The following MLXIPL variants were observed in gnomAD, a reference collection of about 807,000 sequenced individuals.
MLXIPL encodes carbohydrate-responsive element-binding protein.
A neutral mutation model predicts 81.5 loss-of-function variants in MLXIPL; 49 were observed. The observed-to-expected ratio is 0.60, with a 90% CI of 0.48 to 0.76. The LOEUF is 0.76. Among genes scored for constraint, MLXIPL ranks in the 30% least tolerant of loss-of-function variants. The pLI, the probability that MLXIPL is intolerant of heterozygous loss-of-function variation, is 0.00. For missense variants in MLXIPL, 1,053 were observed against 1,167.0 expected (o/e 0.90, Z 1.42); for synonymous variants, 466 against 485.5 (o/e 0.96, Z 0.53).
chr7:73,633,283 C>T, the MLXIPL span, among the ~76,000 whole-genome samples: 8 of 151,138 alleles, frequency 5.3e-5, no homozygotes, highest in Non-Finnish European at 1.2e-4. Flanking sequence ...GGGGTTTCAC[C>T]GTGTTAACCA....
At position 73,623,844 on chromosome 7, in the gene MLXIPL, T is replaced by C. The variant is rs1323480288; in HGVS notation, c.293+356A>G. 6.6e-6 allele frequency among the ~76,000 whole-genome samples: 1 copy of C among 151,086 alleles called. No individual in the cohort carries two copies. Among genetic ancestry groups the C allele is most frequent in the African/African-American group, 2.4e-5 (1 of 41,078 alleles). On this transcript the variant is annotated intron_variant, in intron 1 of 16. Coordinates refer to ENST00000313375, the MANE Select transcript of MLXIPL (RefSeq NM_032951.3). This position sits in a 1 kb window ranked among gnomAD's most constrained non-coding sequence, Gnocchi z 5.7. ...AGAGTGGGGATGGGCGCGGGTGGCC[T>C]AGGGACCAGGGGCGCCTGGCATTTT...
the MLXIPL span, among the ~76,000 whole-genome samples, chr7:73,637,303 C>A: frequency 6.6e-6 from 1 of 151,754 alleles, no homozygotes; most frequent in Non-Finnish European, 1.5e-5. Context: ...CACGGCGAAA[C>A]CCCGTCTCTC....
intron 1 of MLXIPL, among the ~76,000 whole-genome samples, chr7:73,620,544 GC>G (rs1796279098): frequency 6.9e-6 from 1 of 144,240 alleles, no homozygotes; most frequent in Non-Finnish European, 1.5e-5. Flanking sequence ...TTCAAGACCA[GC>G]CTGGCCAACA....
intron 1 of MLXIPL, among the ~76,000 whole-genome samples, chr7:73,616,551 G>A (rs1261282944): frequency 6.6e-6 from 1 of 152,136 alleles, no homozygotes; most frequent in Non-Finnish European, 1.5e-5. Flanking sequence ...AAGAGAATAA[G>A]AAATGACCTT....
intron 2 of MLXIPL, among the ~76,000 whole-genome samples, chr7:73,613,364 C>A (rs1445892286): frequency 6.6e-6 from 1 of 151,964 alleles, no homozygotes; most frequent in East Asian, 1.9e-4. Context: ...TTTGGGAGGC[C>A]GAGGTGGGCA....
chr7:73,639,396 T>A, the MLXIPL span, among the ~76,000 whole-genome samples: 1 of 152,200 alleles, frequency 6.6e-6, no homozygotes, highest in Non-Finnish European at 1.5e-5. Context: ...CACAGCACTG[T>A]TTATAATAGT....
In MLXIPL at chr7:73,623,887, TGGGACCAGAGAGAG is replaced by T. The variant is rs1468194245; in HGVS notation, c.293+299_293+312del. ...GGCATTTTTGTAGGGACGGAGGGGC[TGGGACCAGAGAGAG>T]GGGACCAGAGGTCCAGGTAGAGGTG... On this transcript the variant is annotated intron_variant, in intron 1 of 16. Transcript: ENST00000313375. The surrounding 1 kb of genome is among the most constrained non-coding windows in gnomAD (Gnocchi z 5.7). Among the ~76,000 whole-genome samples the T allele has an allele frequency of 2.0e-5, 3 of 151,446 alleles. No homozygotes were observed. In the South Asian group the frequency reaches 6.3e-4, roughly 32 times the overall value.
chr7:73,606,038 C>A lies in MLXIPL; in HGVS notation c.692G>T (p.Gly231Val). 1 of 1,589,994 alleles carries A rather than the reference C, an allele frequency of 6.3e-7. No individual in the cohort carries two copies. Among genetic ancestry groups the A allele is most frequent in the East Asian group, 2.3e-5 (1 of 43,926 alleles). ...CCCACCCGGCTCCTCCTCTGGGTCC[C>A]CCAGCAGCACGGGGACCACACTGGA... is the stretch of plus-strand genomic sequence containing the variant. Reference protein sequence around the residue: ...LFSSVVPVLLGDPEEEPGGRQ... With the variant: ...LFSSVVPVLLVDPEEEPGGRQ... The change falls in exon 6 of 17, where the codon GGG becomes GTG. Residue 231 changes from glycine (G) to valine (V), a missense_variant. Gly to Val is a moderately radical substitution (Grantham distance 109). Coordinates refer to ENST00000313375, the MANE Select transcript of MLXIPL (RefSeq NM_032951.3).
Position 73,596,692 on chromosome 7 carries a change from G to A in MLXIPL, c.1769C>T (p.Ser590Phe). The change falls in exon 11 of 17, where the codon TCC becomes TTC. Residue 590 changes from serine to phenylalanine, a missense_variant. By Grantham distance (155) the Ser-to-Phe change is radical (BLOSUM62 -2). Coordinates refer to ENST00000313375, the MANE Select transcript of MLXIPL (RefSeq NM_032951.3). The surrounding 1 kb of genome is among the most constrained non-coding windows in gnomAD (Gnocchi z 4.7). Reference sequence around the variant, plus strand: ...CGCTTTGGGGACAAGCAGGGGCCTGGAAGGGGCCAATGTGGCCGGGCCTGG... The same window carrying A: ...CGCTTTGGGGACAAGCAGGGGCCTGAAAGGGGCCAATGTGGCCGGGCCTGG... ...PPPGPATLAP[S>F]RPLLVPKAER... 6.3e-7 allele frequency: 1 copy of A among 1,589,792 alleles called. No homozygotes were observed. Among genetic ancestry groups the A allele is most frequent in the Non-Finnish European group, 8.6e-7 (1 of 1,168,284 alleles).
chr7:73,605,729 G>A lies in MLXIPL; in HGVS notation c.860C>T (p.Thr287Met), dbSNP rs375149591. The change falls in exon 7 of 17, where the codon ACG (threonine) becomes ATG (methionine). Residue 287 changes from threonine to methionine, a missense_variant. Physicochemically the swap from Thr to Met is moderately conservative, Grantham distance 81. Transcript: ENST00000313375. ...GTCATCCAGGCTTGGCTGCAGTGGCGTCAGGTCCGGCTGGATCATGTCAGC... is the reference window on the plus strand; with the variant it reads ...GTCATCCAGGCTTGGCTGCAGTGGCATCAGGTCCGGCTGGATCATGTCAGC... ...GNADMIQPDL[T>M]PLQPSLDDFM... is the part of the protein sequence containing the mutation. The A allele has an allele frequency of 6.1e-5, 99 of 1,613,724 alleles. No individual in the cohort carries two copies. The South Asian group carries it at 7.8e-4, about 13-fold the overall frequency.
At position 73,607,613 on chromosome 7, in the gene MLXIPL, C is replaced by G. The variant is rs782190967; in HGVS notation, c.460G>C (p.Ala154Pro). ...ACCTCCGGCTTCCGGTGCGCATCAG[C>G]CTCAGGCCCCTGCAGGGGGGTCACG... The part of the protein sequence containing the change: ...GFVTPLQGPE[A>P]DAHRKPEAVV... Residue 154 changes from alanine to proline, a missense_variant, in exon 3 of 17, where the codon GCT (alanine) becomes CCT (proline). Transcript: ENST00000313375. 6.2e-7 allele frequency: 1 copy of G among 1,613,400 alleles called. No individual in the cohort carries two copies. The highest frequency in any genetic ancestry group is 1.3e-5 in the African/African-American group (1 of 75,046).
intron 7 of MLXIPL, among the ~76,000 whole-genome samples, chr7:73,602,694 C>G (rs1474155682): frequency 6.6e-6 from 1 of 152,052 alleles, no homozygotes; most frequent in Middle Eastern, 3.2e-3. Flanking sequence ...AAAGGGGGAC[C>G]AGGTGGGAGA....
chr7:73,624,938 G>A (rs1796648053), upstream of MLXIPL, among the ~76,000 whole-genome samples: 1 of 152,120 alleles, frequency 6.6e-6, no homozygotes, highest in African/African-American at 2.4e-5. Context: ...GAGAAAGCCT[G>A]TAATACCAGC....
the MLXIPL span, among the ~76,000 whole-genome samples, chr7:73,636,112 C>CA: frequency 6.6e-6 from 1 of 152,094 alleles, no homozygotes; most frequent in Non-Finnish European, 1.5e-5. Flanking sequence ...AGGGGGACCT[C>CA]AAAAGACAAA....
the MLXIPL span, among the ~76,000 whole-genome samples, chr7:73,647,449 A>C: frequency 6.6e-6 from 1 of 152,058 alleles, no homozygotes; most frequent in African/African-American, 2.4e-5. Context: ...AGAACCTCCC[A>C]GACCAGGATG....
the MLXIPL span, among the ~76,000 whole-genome samples, chr7:73,633,450 G>A: frequency 6.6e-6 from 1 of 151,174 alleles, no homozygotes; most frequent in African/African-American, 2.4e-5. Flanking sequence ...GGCTCAAGCA[G>A]TCCTCCCGCC....
intron 2 of MLXIPL, among the ~76,000 whole-genome samples, chr7:73,614,603 C>T (rs536956625): frequency 6.6e-6 from 1 of 152,262 alleles, no homozygotes; most frequent in East Asian, 1.9e-4. Flanking sequence ...TGAATGAGGT[C>T]CCAACACAGG....
chr7:73,626,347 G>A (rs555508029), upstream of MLXIPL, among the ~76,000 whole-genome samples: 1 of 152,292 alleles, frequency 6.6e-6, no homozygotes, highest in East Asian at 1.9e-4. Context: ...CTGTCACCCA[G>A]GCTGGAGTGC....
At chr7:73,608,589 AAAAAAAAG>A (rs1455529762) in intron 2 of MLXIPL, among the ~76,000 whole-genome samples, 5 of 149,172 alleles carry the variant, frequency 3.4e-5, no homozygotes, top group Non-Finnish European at 7.5e-5. Flanking sequence ...TCAAAGAAAA[AAAAAAAAG>A]AAAAAAAGAA....
Sources: gnomAD v4.1 joint callset for allele counts (sites outside exome capture counted in the v4.1 genomes callset) on GRCh38, gnomAD v4.1.1 for gene constraint, Gnocchi (gnomAD v3.1) non-coding constraint, MANE v1.5 for transcripts, NCBI Gene and HGNC (gene_info 2026-07-23, HGNC 2026-07-21) for gene names.